Variants in CFTR observed in about 807,000 individuals in gnomAD.
The protein encoded by CFTR is CF transmembrane conductance regulator.
In CFTR, 181 loss-of-function variants were observed where a neutral mutation model predicts 171.6. The ratio of observed to expected loss-of-function variants is 1.05; its 90% CI spans 0.93 to 1.19. The LOEUF is 1.19. CFTR is among the 50% of genes most tolerant of loss of function. The probability of loss-of-function intolerance (pLI) is 0.00; values close to 1 mark genes in which losing one functional copy is unlikely to be tolerated. For synonymous variants in CFTR, 583 were observed against 608.0 expected (o/e 0.96, Z 0.60); for missense variants, 1,968 against 1,734.7 (o/e 1.13, Z -2.39).
intron 13 of CFTR, 64 bp downstream of exon 13, chr7:117,590,503 C>T: frequency 6.5e-7 from 1 of 1,542,962 alleles, no homozygotes; most frequent in Non-Finnish European, 8.8e-7. Context: ...CAGACTGTCC[C>T]ATCATAGATT....
At chr7:117,514,945 T>G (rs986006038) in intron 3 of CFTR, among the ~76,000 whole-genome samples, 3 of 152,128 alleles carry the variant, frequency 2.0e-5, no homozygotes, top group Admixed American at 1.3e-4. Context: ...TTGTTGGCCA[T>G]GTAAATGTCT....
intron 15 of CFTR, among the ~76,000 whole-genome samples, chr7:117,596,178 G>A (rs1792120765): frequency 0.012 from 1 of 86 alleles, no homozygotes; most frequent in Non-Finnish European, 0.036. Context: ...TGGGGCTGCG[G>A]GTGCCTTGTG....
At position 117,587,839 on chromosome 7, in the gene CFTR, T is replaced by C. The variant is rs1348084561; in HGVS notation, c.1679+6T>C. ...GCAAGAATTTCTTTAGCAAGGTGAA[T>C]AACTAATTATTGGTCTAGCAAGCAT... On this transcript the variant is annotated splice_donor_region_variant and intron_variant, in intron 12 of 26. Transcript: ENST00000003084. 1 of 1,515,272 alleles carries C rather than the reference T, an allele frequency of 6.6e-7. No individual in the cohort carries two copies. The highest frequency in any genetic ancestry group is 1.1e-5 in the South Asian group (1 of 89,126). 93.9% of individuals were successfully genotyped at this position (1,515,272 alleles called of 1,614,324 possible). A position where few individuals can be genotyped will look rare whatever the true frequency, so the allele number is the denominator to read the frequency against.
chr7:117,644,394 T>C (rs1792966345), intron 23 of CFTR, among the ~76,000 whole-genome samples: 1 of 151,984 alleles, frequency 6.6e-6, no homozygotes, highest in African/African-American at 2.4e-5. Context: ...AATTAAGTAA[T>C]TTTATCCTGT....
At chr7:117,583,944 C>A (rs1791891625) in intron 11 of CFTR, among the ~76,000 whole-genome samples, 1 of 151,852 alleles carries the variant, frequency 6.6e-6, no homozygotes, top group Non-Finnish European at 1.5e-5. Flanking sequence ...AGCATTTTTT[C>A]CTGTGTTTGT....
chr7:117,536,693 T>C lies in CFTR; in HGVS notation c.869+20T>C. ...AAGACAGTAAGTTGTTCCAATAATTTCAATATTGTTAGTAATTCTGTCCTT... is the reference window on the plus strand; with the variant it reads ...AAGACAGTAAGTTGTTCCAATAATTCCAATATTGTTAGTAATTCTGTCCTT... On this transcript the variant is annotated intron_variant, in intron 7 of 26. Coordinates refer to ENST00000003084, the MANE Select transcript of CFTR (RefSeq NM_000492.4). 6.3e-7 allele frequency: 1 copy of C among 1,597,704 alleles called. No individual in the cohort carries two copies. Among genetic ancestry groups the C allele is most frequent in the Non-Finnish European group, 8.6e-7 (1 of 1,168,374 alleles).
rs78374945 is a variant in CFTR at position 117,634,414 on chromosome 7, G to A, written c.3717+6644G>A. ...CCAGGCTAGAGATATCTCTATTTTT[G>A]ATGTTTTTGATGAACCAACTTTTTG... On this transcript the variant is annotated intron_variant, in intron 22 of 26. Transcript: ENST00000003084. 6.4e-3 allele frequency among the ~76,000 whole-genome samples: 969 copies of A among 151,996 alleles called. 25 individuals carry two copies. The highest frequency in any genetic ancestry group is 0.049 in the East Asian group (251 of 5,172).
intron 8 of CFTR, among the ~76,000 whole-genome samples, chr7:117,541,309 T>C (rs919187929): frequency 2.0e-5 from 3 of 151,696 alleles, no homozygotes; most frequent in Admixed American, 6.6e-5. Context: ...AATGGGAGCA[T>C]AGAGACAGAG....
At chr7:117,556,798 C>G (rs1400877828) in intron 10 of CFTR, among the ~76,000 whole-genome samples, 1 of 151,630 alleles carries the variant, frequency 6.6e-6, no homozygotes, top group Non-Finnish European at 1.5e-5. Context: ...GGATTACAGG[C>G]GTGAGCCACC....
intron 2 of CFTR, among the ~76,000 whole-genome samples, chr7:117,507,608 G>C (rs1017197159): frequency 1.3e-5 from 2 of 152,156 alleles, no homozygotes; most frequent in Non-Finnish European, 2.9e-5. Context: ...TGGGAGGTTA[G>C]CTCTGTGTGT....
intron 11 of CFTR, among the ~76,000 whole-genome samples, chr7:117,576,022 A>G (rs148030220): frequency 4.6e-5 from 7 of 152,244 alleles, no homozygotes; most frequent in Admixed American, 1.3e-4. Flanking sequence ...ATATTATTCT[A>G]TATTGCCAAA....
At chr7:117,601,502 C>T (rs1030726287) in intron 15 of CFTR, among the ~76,000 whole-genome samples, 6 of 151,822 alleles carry the variant, frequency 4.0e-5, no homozygotes, top group African/African-American at 1.5e-4. Context: ...TTAAGTGTTC[C>T]CCATAAGGTT....
chr7:117,624,325 G>A (rs80041107), intron 21 of CFTR, among the ~76,000 whole-genome samples: 6,533 of 152,126 alleles, frequency 0.043, 474 homozygotes, highest in African/African-American at 0.15. Flanking sequence ...TGACCTAGAG[G>A]GGCATGGTCC....
intron 15 of CFTR, 74 bp downstream of exon 15, chr7:117,595,132 T>C: frequency 8.3e-7 from 1 of 1,200,904 alleles, no homozygotes; most frequent in Non-Finnish European, 1.2e-6. Context: ...TATACATATA[T>C]ATGCACACAC....
At chr7:117,645,146 C>T (rs1248088707) in intron 23 of CFTR, among the ~76,000 whole-genome samples, 6 of 152,080 alleles carry the variant, frequency 3.9e-5, no homozygotes, top group South Asian at 2.1e-4. Context: ...ATATCAAATG[C>T]GACCAAAACA....
intron 21 of CFTR, among the ~76,000 whole-genome samples, chr7:117,620,288 C>A (rs1453356539): frequency 6.6e-6 from 1 of 152,174 alleles, no homozygotes; most frequent in Non-Finnish European, 1.5e-5. Context: ...CAAGTCCTAG[C>A]CTCCTTGAGG....
intron 24 of CFTR, among the ~76,000 whole-genome samples, chr7:117,658,327 G>T (rs1247647504): frequency 6.6e-6 from 1 of 152,140 alleles, no homozygotes; most frequent in Non-Finnish European, 1.5e-5. Flanking sequence ...AATGGGCCCA[G>T]CGCAGTGCCT....
In CFTR at chr7:117,516,613, G is replaced by T. The variant is rs537479564; in HGVS notation, c.273+7471G>T. ...TATCAGTGAGGGTGGCGGTGGGGAG[G>T]GGACTTTGGAGTCTAACTGTCTAGT... On this transcript the variant is annotated intron_variant, in intron 3 of 26. Coordinates refer to ENST00000003084, the MANE Select transcript of CFTR (RefSeq NM_000492.4). Among the ~76,000 whole-genome samples the T allele has an allele frequency of 5.2e-4, 79 of 152,144 alleles. No individual in the cohort carries two copies. The Middle Eastern group carries it at 0.01, about 20-fold the overall frequency.
At chr7:117,502,557 C>T (rs1798348245) in intron 1 of CFTR, among the ~76,000 whole-genome samples, 1 of 152,130 alleles carries the variant, frequency 6.6e-6, no homozygotes. Context: ...GCCTAATTGC[C>T]ACCTGTATGT....
Sources: gnomAD v4.1 joint callset for allele counts (sites outside exome capture counted in the v4.1 genomes callset) on GRCh38, gnomAD v4.1.1 for gene constraint, MANE v1.5 for transcripts, NCBI Gene and HGNC (gene_info 2026-07-23, HGNC 2026-07-21) for gene names.